PCDHGA8: variants seen among roughly 807,000 people sequenced by gnomAD.
The protein encoded by PCDHGA8 is protocadherin gamma-A8.
Under a neutral mutation model 59.2 loss-of-function variants are expected in PCDHGA8, and 45 were observed. That is an observed-to-expected ratio of 0.76 (90% CI 0.60 to 0.98). PCDHGA8 has a LOEUF of 0.98. PCDHGA8 is among the 50% of genes least tolerant of loss of function. The pLI is 0.00. For missense variants in PCDHGA8, 1,257 were observed against 1,196.2 expected (o/e 1.05, Z -0.75); for synonymous variants, 531 against 519.0 (o/e 1.02, Z -0.32).
rs375995047 is a variant in PCDHGA8 at position 141,394,079 on chromosome 5, G to A, written c.1266G>A (p.Val422=). 5.0e-6 allele frequency: 8 copies of A among 1,613,706 alleles called. No homozygotes were observed. Among genetic ancestry groups the A allele is most frequent in the Non-Finnish European group, 5.9e-6 (7 of 1,179,828 alleles). The change falls in exon 1 of 4, where the codon GTG becomes GTA. Residue 422 remains valine (V), a synonymous_variant. Coordinates refer to ENST00000398604, the MANE Select transcript of PCDHGA8 (RefSeq NM_032088.2). ...ATGTCTCTATCTACAATATCACAGT[G>A]ATGGCCTCAGATCTAGGAACACCAC... ...RENVSIYNIT[V]MASDLGTPPL...
At position 141,485,257 on chromosome 5, in the gene PCDHGA8, T is replaced by G. The variant is rs1251686604; in HGVS notation, c.2425-9550T>G. 1.9e-6 allele frequency: 3 copies of G among 1,614,036 alleles called. No homozygotes were observed. The highest frequency in any genetic ancestry group is 2.5e-6 in the Non-Finnish European group (3 of 1,180,006). ...TCTTTTACCACCTGGGTTACGTTTG[T>G]GGGCAGATCCGCTACCCGGTCCCAG... On this transcript the variant is annotated intron_variant, in intron 1 of 3. Coordinates refer to ENST00000398604, the MANE Select transcript of PCDHGA8 (RefSeq NM_032088.2). The surrounding 1 kb of genome is among the most constrained non-coding windows in gnomAD (Gnocchi z 5.7).
At chr5:141,419,658 A>T in intron 1 of PCDHGA8, 2 of 1,612,782 alleles carry the variant, frequency 1.2e-6, no homozygotes, top group Non-Finnish European at 1.7e-6. Flanking sequence ...GACTCGGGGC[A>T]CAATGCCTGG....
In PCDHGA8 at chr5:141,409,431, T is replaced by C. The variant is rs191277647; in HGVS notation, c.2424+14194T>C. 41 of 1,614,006 alleles carry C rather than the reference T, an allele frequency of 2.5e-5. No homozygotes were observed. In the African/African-American group the frequency reaches 3.9e-4, roughly 15 times the overall value. Reference sequence around the variant, plus strand: ...TACAAACTGGTGACAGATGGAGCCCTGGACCGAGAGCAGACACCAGAATAC... The same window carrying C: ...TACAAACTGGTGACAGATGGAGCCCCGGACCGAGAGCAGACACCAGAATAC... On this transcript the variant is annotated intron_variant, in intron 1 of 3. Transcript: ENST00000398604.
At chr5:141,418,685 G>A (rs750217981) in intron 1 of PCDHGA8, 1 of 1,614,056 alleles carries the variant, frequency 6.2e-7, no homozygotes, top group African/African-American at 1.3e-5. Context: ...CATCAACTCA[G>A]AGATCACTTA....
Position 141,410,369 on chromosome 5 carries a change from A to T in PCDHGA8, c.2424+15132A>T, listed in dbSNP as rs754541017. Reference sequence around the variant, plus strand: ...CCTGCGACGCTCTCTCAGCCCTGCTACTTGGGACTGCTTCCATCCTGGTCT... The same window carrying T: ...CCTGCGACGCTCTCTCAGCCCTGCTTCTTGGGACTGCTTCCATCCTGGTCT... On this transcript the variant is annotated intron_variant, in intron 1 of 3. Coordinates refer to ENST00000398604, the MANE Select transcript of PCDHGA8 (RefSeq NM_032088.2). The T allele has an allele frequency of 5.6e-6, 9 of 1,613,836 alleles. No homozygotes were observed. The African/African-American group carries it at 1.2e-4, about 22-fold the overall frequency.
chr5:141,486,012 A>C lies in PCDHGA8; in HGVS notation c.2425-8795A>C. The C allele has an allele frequency of 1.9e-6, 3 of 1,614,064 alleles. No homozygotes were observed. The highest frequency in any genetic ancestry group is 2.5e-6 in the Non-Finnish European group (3 of 1,179,984). On this transcript the variant is annotated intron_variant, in intron 1 of 3. Coordinates refer to ENST00000398604, the MANE Select transcript of PCDHGA8 (RefSeq NM_032088.2). The surrounding 1 kb of genome is among the most constrained non-coding windows in gnomAD (Gnocchi z 5.0). ...GGTCCCAGTGGTAACGTCACCTTTT[A>C]TTTCAGTGGTCATACCCCTGATCGT...
chr5:141,410,650 T>C (rs781083173), intron 1 of PCDHGA8: 3 of 1,590,604 alleles, frequency 1.9e-6, no homozygotes, highest in Non-Finnish European at 2.6e-6. Context: ...GTGTGATTTA[T>C]CTAATAGTCT....
At chr5:141,415,259 T>A (rs778452630) in intron 1 of PCDHGA8, 5 of 1,614,226 alleles carry the variant, frequency 3.1e-6, no homozygotes, top group Admixed American at 1.7e-5. Flanking sequence ...GACCTCACTC[T>A]GTACCTGGTG....
chr5:141,442,702 T>G (rs1301940560), intron 1 of PCDHGA8, among the ~76,000 whole-genome samples: 6 of 152,224 alleles, frequency 3.9e-5, no homozygotes, highest in Non-Finnish European at 8.8e-5. Context: ...GACAAGAGTA[T>G]CAGACATGCC....
intron 1 of PCDHGA8, chr5:141,417,038 T>TAAA (rs567249795): frequency 5.5e-5 from 8 of 145,968 alleles, no homozygotes; most frequent in East Asian, 2.0e-4. Context: ...GTTTTTTTTT[T>TAAA]AAAAAAAACT....
intron 1 of PCDHGA8, chr5:141,398,772 G>T: frequency 6.2e-7 from 1 of 1,613,910 alleles, no homozygotes; most frequent in Non-Finnish European, 8.5e-7. Flanking sequence ...TGACTGCCTT[G>T]GACGGTGGAC....
intron 2 of PCDHGA8, among the ~76,000 whole-genome samples, chr5:141,503,568 C>T (rs1357099545): frequency 6.9e-6 from 1 of 144,390 alleles, no homozygotes; most frequent in Non-Finnish European, 1.5e-5. Context: ...CACTGTACTC[C>T]AGCCTGGGTG....
chr5:141,432,503 G>T lies in PCDHGA8; in HGVS notation c.2424+37266G>T, dbSNP rs939325676. 8.7e-6 allele frequency: 14 copies of T among 1,613,988 alleles called. No homozygotes were observed. The highest frequency in any genetic ancestry group is 1.3e-5 in the African/African-American group (1 of 74,930). ...TGGCGTGGAGCTGGCTCCCCGCTCC[G>T]CAGAGCCCGGCTACCTGGTGACCAA... On this transcript the variant is annotated intron_variant, in intron 1 of 3. Transcript: ENST00000398604. The surrounding 1 kb of genome is among the most constrained non-coding windows in gnomAD (Gnocchi z 6.0).
Position 141,392,856 on chromosome 5 carries a change from CT to C in PCDHGA8, c.44del (p.Leu15ArgfsTer63). On this transcript the variant is annotated frameshift_variant, in exon 1 of 4. Transcript: ENST00000398604. LOFTEE classifies it high-confidence loss of function. ...QSRPRRGELILLCALLGTLWE... is the reference protein window; with the variant it reads ...QSRPRRGELIXLCALLGTLWE... Reference sequence around the variant, plus strand: ...TCGCCCCAGACGCGGCGAGCTGATCCTGCTGTGCGCGCTGCTGGGAACGCTG... The same window carrying C: ...TCGCCCCAGACGCGGCGAGCTGATCCGCTGTGCGCGCTGCTGGGAACGCTG... 1.9e-6 allele frequency: 3 copies of C among 1,612,366 alleles called. No individual in the cohort carries two copies. Among genetic ancestry groups the C allele is most frequent in the Non-Finnish European group, 2.5e-6 (3 of 1,179,358 alleles).
intron 2 of PCDHGA8, among the ~76,000 whole-genome samples, chr5:141,504,926 TGGTG>T (rs1312481961): frequency 1.3e-5 from 2 of 151,946 alleles, no homozygotes; most frequent in Non-Finnish European, 2.9e-5. Context: ...GGCTCTCTCA[TGGTG>T]GGTGGGGGAA....
rs1426305491 is a variant in PCDHGA8 at position 141,489,758 on chromosome 5, G to A, written c.2425-5049G>A. 1 of 1,614,084 alleles carries A rather than the reference G, an allele frequency of 6.2e-7. No homozygotes were observed. The highest frequency in any genetic ancestry group is 1.7e-5 in the Admixed American group (1 of 60,020). On this transcript the variant is annotated intron_variant, in intron 1 of 3. Coordinates refer to ENST00000398604, the MANE Select transcript of PCDHGA8 (RefSeq NM_032088.2). The surrounding 1 kb of genome is among the most constrained non-coding windows in gnomAD (Gnocchi z 4.5). ...AATACTGTGAGCTTTTACACTCTAAGCCCCAACAGCCACTTCTCTCTGAAT... is the reference window on the plus strand; with the variant it reads ...AATACTGTGAGCTTTTACACTCTAAACCCCAACAGCCACTTCTCTCTGAAT...
At chr5:141,410,776 A>G (rs2095422946) in intron 1 of PCDHGA8, 7 of 919,622 alleles carry the variant, frequency 7.6e-6, no homozygotes, top group South Asian at 4.0e-5. Context: ...AGTTTTCACT[A>G]TGTATTTGGT....
chr5:141,501,897 C>T (rs796164763), intron 2 of PCDHGA8, among the ~76,000 whole-genome samples: 17 of 152,230 alleles, frequency 1.1e-4, no homozygotes, highest in African/African-American at 3.4e-4. Flanking sequence ...ATCATGGTTC[C>T]AACCCCACTG....
At chr5:141,484,054 G>A (rs1192214731) in intron 1 of PCDHGA8, among the ~76,000 whole-genome samples, 4 of 152,044 alleles carry the variant, frequency 2.6e-5, no homozygotes, top group African/African-American at 9.7e-5. Flanking sequence ...AGGTCCCCTG[G>A]GGCTAAGTGA....
Sources: gnomAD v4.1 joint callset for allele counts (sites outside exome capture counted in the v4.1 genomes callset) on GRCh38, gnomAD v4.1.1 for gene constraint, Gnocchi (gnomAD v3.1) non-coding constraint, MANE v1.5 for transcripts, NCBI Gene and HGNC (gene_info 2026-07-23, HGNC 2026-07-21) for gene names.